PARD3B: variants seen among roughly 807,000 people sequenced by gnomAD.
PARD3B encodes par-3 family cell polarity regulator beta.
PARD3B carries 103 observed loss-of-function variants against 130.2 expected under a neutral mutation model. That is an observed-to-expected ratio of 0.79 (90% confidence interval 0.67 to 0.93). The LOEUF is 0.93. Among genes scored for constraint, PARD3B ranks in the 40% least tolerant of loss-of-function variants. The pLI is 0.00. For synonymous variants in PARD3B, 583 were observed against 553.2 expected (o/e 1.05, Z -0.76); for missense variants, 1,609 against 1,499.2 (o/e 1.07, Z -1.21).
At chr2:205,219,268 A>G (rs571729165) in intron 15 of PARD3B, among the ~76,000 whole-genome samples, 6 of 152,306 alleles carry the variant, frequency 3.9e-5, no homozygotes, top group African/African-American at 1.4e-4. Flanking sequence ...AAGGAGCGTG[A>G]TTTAAGTGAG....
chr2:205,400,512 GAA>G (rs2046212030), intron 18 of PARD3B, among the ~76,000 whole-genome samples: 1 of 151,998 alleles, frequency 6.6e-6, no homozygotes, highest in East Asian at 1.9e-4. Flanking sequence ...ATGGTGGTGT[GAA>G]CCTGTAATCC....
intron 18 of PARD3B, among the ~76,000 whole-genome samples, chr2:205,372,838 G>A (rs957465647): frequency 6.6e-6 from 1 of 152,116 alleles, no homozygotes; most frequent in Non-Finnish European, 1.5e-5. Flanking sequence ...AAATCAGCCA[G>A]CATAGTGCCA....
chr2:205,592,606 A>G lies in PARD3B; in HGVS notation c.3261-22850A>G, dbSNP rs984738049. Among the ~76,000 whole-genome samples the G allele has an allele frequency of 2.0e-5, 3 of 152,220 alleles. No homozygotes were observed. Among genetic ancestry groups the G allele is most frequent in the African/African-American group, 7.2e-5 (3 of 41,448 alleles). The stretch of plus-strand genomic sequence containing the variant: ...TCCATAGAGGCAGAATGTTTCCCAT[A>G]CAACTATAATGCCTGCGTTATATTT... On this transcript the variant is annotated intron_variant, in intron 22 of 22. Transcript: ENST00000406610. The surrounding 1 kb of genome is among the most constrained non-coding windows in gnomAD (Gnocchi z 4.5).
At chr2:205,394,508 C>T (rs2105988999) in intron 18 of PARD3B, among the ~76,000 whole-genome samples, 1 of 152,258 alleles carries the variant, frequency 6.6e-6, no homozygotes, top group African/African-American at 2.4e-5. Flanking sequence ...CTATCCTCCT[C>T]CCTTATCAAG....
chr2:205,432,518 C>T (rs1205463734), intron 19 of PARD3B, among the ~76,000 whole-genome samples: 1 of 152,154 alleles, frequency 6.6e-6, no homozygotes, highest in East Asian at 1.9e-4. Context: ...CACATGCCTG[C>T]CTCAGGGGCT....
chr2:204,999,451 ATAGAATG>A (rs1195012814), intron 3 of PARD3B, among the ~76,000 whole-genome samples: 1 of 152,202 alleles, frequency 6.6e-6, no homozygotes, highest in Non-Finnish European at 1.5e-5. Context: ...CTAACTTGCT[ATAGAATG>A]TACCAAGAAA....
At chr2:205,350,951 C>T (rs1220689319) in intron 18 of PARD3B, among the ~76,000 whole-genome samples, 2 of 152,074 alleles carry the variant, frequency 1.3e-5, no homozygotes, top group African/African-American at 4.8e-5. Flanking sequence ...ATGCTAAAAA[C>T]TAATTATTTT....
At chr2:205,323,980 A>G (rs1447083563) in intron 18 of PARD3B, among the ~76,000 whole-genome samples, 2 of 152,158 alleles carry the variant, frequency 1.3e-5, no homozygotes, top group Non-Finnish European at 2.9e-5. Context: ...TTTCCAGGAT[A>G]TCGTCAATGC....
At chr2:204,556,375 C>G (rs1481421701) in intron 1 of PARD3B, among the ~76,000 whole-genome samples, 2 of 152,172 alleles carry the variant, frequency 1.3e-5, no homozygotes, top group African/African-American at 4.8e-5. Context: ...AAAGCAGCCA[C>G]TCTCGGGTTT....
intron 19 of PARD3B, among the ~76,000 whole-genome samples, chr2:205,416,027 A>G (rs539828702): frequency 7.2e-4 from 110 of 152,280 alleles, no homozygotes; most frequent in African/African-American, 2.5e-3. Context: ...ATCAGATGAC[A>G]CAGGAAAGGA....
intron 4 of PARD3B, among the ~76,000 whole-genome samples, chr2:205,054,432 A>ATTTTT (rs1276333044): frequency 3.2e-5 from 1 of 30,990 alleles, no homozygotes; most frequent in African/African-American, 1.5e-4. Context: ...ATATATATAT[A>ATTTTT]TATATTTTTT....
At chr2:204,561,720 C>T (rs1039750164) in intron 1 of PARD3B, among the ~76,000 whole-genome samples, 10 of 151,902 alleles carry the variant, frequency 6.6e-5, no homozygotes, top group East Asian at 1.9e-4. Flanking sequence ...CTCAGCCTCC[C>T]GAGTAGCTGG....
At chr2:205,168,314 A>AGTGTGTGTGTGT (rs374509521) in intron 11 of PARD3B, among the ~76,000 whole-genome samples, 147 of 137,950 alleles carry the variant, frequency 1.1e-3, no homozygotes, top group Middle Eastern at 4.1e-3. Flanking sequence ...AGAGAGAGAG[A>AGTGTGTGTGTGT]GAGAGAGTGT....
chr2:205,490,632 T>C (rs768180708), intron 20 of PARD3B, among the ~76,000 whole-genome samples: 1 of 152,182 alleles, frequency 6.6e-6, no homozygotes, highest in Non-Finnish European at 1.5e-5. Context: ...TACCCAGTAA[T>C]GGGATGGCTG....
chr2:205,588,492 T>A (rs921085907), intron 22 of PARD3B, among the ~76,000 whole-genome samples: 1 of 152,206 alleles, frequency 6.6e-6, no homozygotes, highest in Non-Finnish European at 1.5e-5. Context: ...TAATGTTTTT[T>A]TTTCAAGTGT....
chr2:205,144,909 C>T (rs192777300), intron 10 of PARD3B, among the ~76,000 whole-genome samples: 12 of 152,248 alleles, frequency 7.9e-5, no homozygotes, highest in Admixed American at 3.3e-4. Context: ...CTTTAACCAA[C>T]GAAAAGAAAC....
At position 205,269,540 on chromosome 2, in the gene PARD3B, G is replaced by C. The variant is rs1368436238; in HGVS notation, c.2185+23718G>C. On this transcript the variant is annotated intron_variant, in intron 16 of 22. Transcript: ENST00000406610. The surrounding 1 kb of genome is among the most constrained non-coding windows in gnomAD (Gnocchi z 4.7). Reference sequence around the variant, plus strand: ...GGAATTTCACTGATTTTTTTTTAAAGTTCCTTCAGGGGCAATTGGGCTGCT... The same window carrying C: ...GGAATTTCACTGATTTTTTTTTAAACTTCCTTCAGGGGCAATTGGGCTGCT... Among the ~76,000 whole-genome samples the C allele has an allele frequency of 1.3e-5, 2 of 151,902 alleles. No homozygotes were observed. Among genetic ancestry groups the C allele is most frequent in the Non-Finnish European group, 2.9e-5 (2 of 67,956 alleles).
At position 205,091,339 on chromosome 2, in the gene PARD3B, G is replaced by T. The variant is rs1702093268; in HGVS notation, c.505-13087G>T. On this transcript the variant is annotated intron_variant, in intron 4 of 22. Coordinates refer to ENST00000406610, the MANE Select transcript of PARD3B (RefSeq NM_001302769.2). This position sits in a 1 kb window ranked among gnomAD's most constrained non-coding sequence, Gnocchi z 4.2. Reference sequence around the variant, plus strand: ...TGGCACAAACTGCATCATTTACACTGGGAGGTTTGTATGTGGAGTGATGTA... The same window carrying T: ...TGGCACAAACTGCATCATTTACACTTGGAGGTTTGTATGTGGAGTGATGTA... Among the ~76,000 whole-genome samples, 1 of 152,108 alleles carries T rather than the reference G, an allele frequency of 6.6e-6. No homozygotes were observed. The highest frequency in any genetic ancestry group is 6.6e-5 in the Admixed American group (1 of 15,266).
chr2:205,109,187 C>G (rs762525155), intron 5 of PARD3B, among the ~76,000 whole-genome samples: 42 of 152,184 alleles, frequency 2.8e-4, no homozygotes, highest in Non-Finnish European at 4.1e-4. Flanking sequence ...GATTTTTACT[C>G]AGTACATTTG....
Sources: allele counts gnomAD v4.1 joint callset (sites outside exome capture counted in the v4.1 genomes callset), GRCh38; gene constraint gnomAD v4.1.1; non-coding constraint Gnocchi (gnomAD v3.1); transcripts MANE v1.5; gene names NCBI Gene and HGNC (gene_info 2026-07-23, HGNC 2026-07-21).